Variants in METTL4 observed in about 807,000 individuals in gnomAD.
The protein encoded by METTL4 is methyltransferase 4, N6-adenosine.
METTL4 carries 40 observed loss-of-function variants against 54.0 expected under a neutral mutation model. The observed-to-expected ratio is 0.74, with a 90% CI of 0.58 to 0.96. The LOEUF is 0.96. Ranked by LOEUF, METTL4 falls within the 50% of genes least tolerant of loss-of-function variation. METTL4 has a pLI of 0.00. For missense variants in METTL4, 525 were observed against 549.0 expected (o/e 0.96, Z 0.44); for synonymous variants, 169 against 183.8 (o/e 0.92, Z 0.65).
Position 2,542,690 on chromosome 18 carries a change from A to T in METTL4, c.1273+1505T>A, listed in dbSNP as rs1405547822. ...TGAGGAACAATGCAATCTCACTTTC[A>T]CTTGAGTTATATATTAAAGCATTAA... On this transcript the variant is annotated intron_variant, in intron 8 of 8. Transcript: ENST00000574538. 2.0e-5 allele frequency among the ~76,000 whole-genome samples: 3 copies of T among 152,184 alleles called. No individual in the cohort carries two copies. The East Asian group carries it at 5.8e-4, about 29-fold the overall frequency.
intron 5 of METTL4, among the ~76,000 whole-genome samples, chr18:2,549,241 G>A (rs977609263): frequency 1.2e-4 from 19 of 152,102 alleles, no homozygotes; most frequent in African/African-American, 4.3e-4. Flanking sequence ...TATTCTCTTA[G>A]TCCCATATGC....
chr18:2,540,515 C>T, intron 8 of METTL4: 7 of 985,376 alleles, frequency 7.1e-6, no homozygotes, highest in Non-Finnish European at 7.2e-6. Flanking sequence ...TCAGAAAGTA[C>T]TGGTCCTGTT....
chr18:2,548,940 G>T (rs922803154), intron 5 of METTL4, among the ~76,000 whole-genome samples: 5 of 152,114 alleles, frequency 3.3e-5, no homozygotes, highest in Admixed American at 2.0e-4. Context: ...GGAAGAACTG[G>T]GTATTAAAAG....
chr18:2,562,482 C>T (rs939231135), intron 3 of METTL4, among the ~76,000 whole-genome samples: 9 of 152,144 alleles, frequency 5.9e-5, no homozygotes, highest in African/African-American at 2.2e-4. Context: ...CCAATGTTCA[C>T]AGAAACATTA....
chr18:2,542,284 C>T (rs1305441616), intron 8 of METTL4, among the ~76,000 whole-genome samples: 2 of 151,558 alleles, frequency 1.3e-5, no homozygotes, highest in African/African-American at 2.4e-5. Flanking sequence ...TATACATGTG[C>T]CATGCTGGTG....
rs755677983 is a variant in METTL4 at position 2,552,699 on chromosome 18, T to G, written c.895A>C (p.Asn299His). 15 of 1,607,454 alleles carry G rather than the reference T, an allele frequency of 9.3e-6. No homozygotes were observed. Among genetic ancestry groups the G allele is most frequent in the Non-Finnish European group, 1.2e-5 (14 of 1,175,738 alleles). The change falls in exon 5 of 9, where the codon AAT (asparagine) becomes CAT (histidine). Residue 299 changes from asparagine (N) to histidine (H), a missense_variant. Physicochemically the swap from Asn to His is moderately conservative, Grantham distance 68 (BLOSUM62 1). Coordinates refer to ENST00000574538, the MANE Select transcript of METTL4 (RefSeq NM_022840.5). ...PWQNKSVKRSNRYSYLSPLQI... is the reference protein window; with the variant it reads ...PWQNKSVKRSHRYSYLSPLQI... ...AATGCTTTCATTTCCACTTACCTAT[T>G]ACTTCTTTTAACTGATTTGTTCTGC...
chr18:2,558,537 G>A (rs549711370), intron 3 of METTL4, among the ~76,000 whole-genome samples: 9 of 151,736 alleles, frequency 5.9e-5, no homozygotes, highest in South Asian at 4.2e-4. Context: ...TAAGTTAACC[G>A]ACATAACATT....
chr18:2,564,940 A>G (rs2072380856), intron 2 of METTL4, among the ~76,000 whole-genome samples: 1 of 152,226 alleles, frequency 6.6e-6, no homozygotes, highest in Admixed American at 6.5e-5. Context: ...ACAATGCTAA[A>G]TATTTTCTTT....
chr18:2,551,832 G>A (rs907590097), intron 5 of METTL4, among the ~76,000 whole-genome samples: 4 of 152,134 alleles, frequency 2.6e-5, no homozygotes, highest in South Asian at 2.1e-4. Context: ...TTAAGTCAAG[G>A]AAATTGGAAT....
Position 2,554,929 on chromosome 18 carries a change from G to C in METTL4, c.569C>G (p.Thr190Ser). 6.2e-7 allele frequency: 1 copy of C among 1,614,092 alleles called. No individual in the cohort carries two copies. The highest frequency in any genetic ancestry group is 8.5e-7 in the Non-Finnish European group (1 of 1,179,962). The change falls in exon 4 of 9, where the codon ACT becomes AGT. Residue 190 changes from threonine to serine, a missense_variant. Physicochemically the swap from Thr to Ser is moderately conservative, Grantham distance 58. Coordinates refer to ENST00000574538, the MANE Select transcript of METTL4 (RefSeq NM_022840.5). ...CAAACTGCAGGCGTCAAGTGGTAAA[G>C]TAATGGGCTTACTACCCTTGTCCTG... is the stretch of plus-strand genomic sequence containing the variant. ...EKQDKGSKPI[T>S]LPLDACSLSE...
At chr18:2,540,002 A>G in intron 8 of METTL4, 1 of 978,784 alleles carries the variant, frequency 1.0e-6, no homozygotes, top group Non-Finnish European at 1.2e-6. Flanking sequence ...CACTAAAAAC[A>G]TTTCTTCATT....
intron 6 of METTL4, among the ~76,000 whole-genome samples, chr18:2,546,406 C>T (rs939747559): frequency 6.6e-6 from 1 of 151,718 alleles, no homozygotes; most frequent in Admixed American, 6.6e-5. Context: ...TGTATGTATA[C>T]AAAAAAAATT....
At chr18:2,557,301 C>T (rs34272293) in intron 3 of METTL4, among the ~76,000 whole-genome samples, 16,693 of 151,308 alleles carry the variant, frequency 0.11, 953 homozygotes, top group Non-Finnish European at 0.13. Flanking sequence ...AAAATGAGTA[C>T]CCCAAAAATT....
chr18:2,570,709 C>G (rs1304911856), intron 1 of METTL4, among the ~76,000 whole-genome samples: 1 of 152,124 alleles, frequency 6.6e-6, no homozygotes, highest in Non-Finnish European at 1.5e-5. Context: ...GCTAGAAATT[C>G]AGACGGGAAA....
rs1426712682 is a variant in METTL4 at position 2,567,050 on chromosome 18, G to C, written c.167C>G (p.Ser56Cys). ...ESLQMDSVSS[S>C]GVCAAFIASD... The stretch of plus-strand genomic sequence containing the variant: ...AGCAATAAATGCAGCACAGACTCCA[G>C]AGGAGGACACAGAATCCATTTGAAG... The change falls in exon 2 of 9, where the codon TCT becomes TGT. Residue 56 changes from serine (S) to cysteine (C), a missense_variant. Coordinates refer to ENST00000574538, the MANE Select transcript of METTL4 (RefSeq NM_022840.5). 6.2e-7 allele frequency: 1 copy of C among 1,614,186 alleles called. No individual in the cohort carries two copies. The highest frequency in any genetic ancestry group is 1.7e-5 in the Admixed American group (1 of 60,036).
At chr18:2,552,872 T>A (rs918017491) in intron 4 of METTL4, 108 bp from the exon 5 acceptor site, 2 of 678,840 alleles carry the variant, frequency 2.9e-6, no homozygotes. Context: ...ACGAATATAA[T>A]GGAATGCACC....
At chr18:2,556,175 G>A (rs964594285) in intron 3 of METTL4, among the ~76,000 whole-genome samples, 8 of 152,108 alleles carry the variant, frequency 5.3e-5, no homozygotes, top group South Asian at 4.1e-4. Flanking sequence ...GAAATGACCC[G>A]AGGAAACAAT....
chr18:2,571,020 GGTCA>G (rs2072495872), intron 1 of METTL4, 125 bp downstream of exon 1: 1 of 152,262 alleles, frequency 6.6e-6, no homozygotes, highest in African/African-American at 2.4e-5. Context: ...GCCTCTCACA[GGTCA>G]GCCACCACCA....
At chr18:2,545,884 A>G (rs1478885640) in intron 6 of METTL4, among the ~76,000 whole-genome samples, 2 of 152,136 alleles carry the variant, frequency 1.3e-5, no homozygotes, top group African/African-American at 4.8e-5. Context: ...TTTATGTTTT[A>G]AATTCTGGTC....
Sources: allele counts gnomAD v4.1 joint callset (sites outside exome capture counted in the v4.1 genomes callset), GRCh38; gene constraint gnomAD v4.1.1; transcripts MANE v1.5; gene names NCBI Gene and HGNC (gene_info 2026-07-23, HGNC 2026-07-21).